The following PTPRN2 variants were observed in gnomAD, a reference collection of about 807,000 sequenced individuals.
PTPRN2 encodes the protein receptor-type tyrosine-protein phosphatase N2.
Under a neutral mutation model 118.8 loss-of-function variants are expected in PTPRN2, and 74 were observed. The ratio of observed to expected loss-of-function variants is 0.62; its 90% CI spans 0.52 to 0.76. The LOEUF (loss-of-function observed/expected upper bound fraction) is 0.76. Among genes scored for constraint, PTPRN2 ranks in the 30% least tolerant of loss-of-function variants. The pLI, the probability that PTPRN2 is intolerant of heterozygous loss-of-function variation, is 0.00. For missense variants in PTPRN2, 1,481 were observed against 1,394.4 expected (o/e 1.06, Z -0.99); for synonymous variants, 641 against 608.0 (o/e 1.05, Z -0.80).
chr7:157,970,421 G>T (rs1374307325), intron 11 of PTPRN2, among the ~76,000 whole-genome samples: 8 of 152,222 alleles, frequency 5.3e-5, no homozygotes, highest in Admixed American at 6.5e-5. Flanking sequence ...AATCCCAGGG[G>T]AAGAAAGAAG....
chr7:157,570,001 C>T (rs1799678626), intron 20 of PTPRN2, among the ~76,000 whole-genome samples: 1 of 152,242 alleles, frequency 6.6e-6, no homozygotes, highest in South Asian at 2.1e-4. Flanking sequence ...TATAGGTGAT[C>T]TTTTGATGGT....
chr7:158,155,328 A>G (rs1821606880), intron 6 of PTPRN2, among the ~76,000 whole-genome samples: 1 of 152,208 alleles, frequency 6.6e-6, no homozygotes, highest in South Asian at 2.1e-4. Flanking sequence ...CACAAAGACA[A>G]TGGGAATCAT....
intron 12 of PTPRN2, among the ~76,000 whole-genome samples, chr7:157,756,431 G>T (rs1283129809): frequency 1.3e-5 from 2 of 152,010 alleles, no homozygotes; most frequent in Admixed American, 1.3e-4. Context: ...AAGTACCTGG[G>T]ATTACAGGTG....
chr7:158,540,562 C>G (rs1825926318), intron 1 of PTPRN2, among the ~76,000 whole-genome samples: 1 of 152,144 alleles, frequency 6.6e-6, no homozygotes, highest in African/African-American at 2.4e-5. Context: ...GGAGGTGGCT[C>G]TGCTCCCACC....
chr7:158,308,471 T>A (rs1190960385), intron 3 of PTPRN2, among the ~76,000 whole-genome samples: 1 of 152,216 alleles, frequency 6.6e-6, no homozygotes, highest in Non-Finnish European at 1.5e-5. Flanking sequence ...TATTTGAGTA[T>A]GTAACATTTA....
chr7:158,016,230 C>G (rs574861429), intron 11 of PTPRN2, among the ~76,000 whole-genome samples: 1 of 152,184 alleles, frequency 6.6e-6, no homozygotes, highest in Non-Finnish European at 1.5e-5. Flanking sequence ...TCGGGAGGTC[C>G]GGATGACTTT....
chr7:158,585,028 T>G (rs763828932), intron 1 of PTPRN2, among the ~76,000 whole-genome samples: 83 of 152,276 alleles, frequency 5.5e-4, no homozygotes, highest in Admixed American at 2.7e-3. Flanking sequence ...AATAAATAGA[T>G]TACAAATGGC....
In PTPRN2 at chr7:157,784,584, C is replaced by A. The variant is rs1430527164; in HGVS notation, c.1789-101647G>T. Among the ~76,000 whole-genome samples the A allele has an allele frequency of 1.3e-5, 2 of 152,060 alleles. No homozygotes were observed. Among genetic ancestry groups the A allele is most frequent in the African/African-American group, 4.8e-5 (2 of 41,406 alleles). The stretch of plus-strand genomic sequence containing the variant: ...TCCTCTCCACAAAGGGCTTGAAGAG[C>A]AACTGACCCATGAAACGGGCAGGGG... On this transcript the variant is annotated intron_variant, in intron 12 of 22. Transcript: ENST00000389418. The surrounding 1 kb of genome is among the most constrained non-coding windows in gnomAD (Gnocchi z 4.6).
At position 158,407,698 on chromosome 7, in the gene PTPRN2, GTCCTGCA is replaced by G. The variant is rs199605565; in HGVS notation, c.163+82030_163+82036del. ...CTGGGTCCTGGGTCCTGGGTCCTGC[GTCCTGCA>G]TCCTGCGTCCTGGGTCCTGGATTGA... On this transcript the variant is annotated intron_variant, in intron 2 of 22. Coordinates refer to ENST00000389418, the MANE Select transcript of PTPRN2 (RefSeq NM_002847.5). Among the ~76,000 whole-genome samples the G allele has an allele frequency of 4.1e-4, 57 of 140,224 alleles. 1 individual carries two copies. The highest frequency in any genetic ancestry group is 6.7e-4 in the East Asian group (3 of 4,460). 92.0% of individuals were successfully genotyped at this position (140,224 alleles called of 152,430 possible).
At chr7:158,472,804 C>T (rs1293381075) in intron 2 of PTPRN2, among the ~76,000 whole-genome samples, 1 of 152,202 alleles carries the variant, frequency 6.6e-6, no homozygotes, top group Non-Finnish European at 1.5e-5. Flanking sequence ...GAGAGCTGGC[C>T]GTCCACATTT....
intron 5 of PTPRN2, among the ~76,000 whole-genome samples, chr7:158,188,137 A>AGCC (rs1563576063): frequency 3.6e-5 from 5 of 137,732 alleles, no homozygotes; most frequent in East Asian, 4.3e-4. Context: ...GTGCAGAGGC[A>AGCC]GCCACCACGC....
chr7:158,334,588 C>T (rs1805216125), intron 2 of PTPRN2, among the ~76,000 whole-genome samples: 1 of 109,862 alleles, frequency 9.1e-6, no homozygotes, highest in Non-Finnish European at 2.1e-5. Context: ...AGGTCACTCA[C>T]ACCCACACTC....
At chr7:158,106,043 C>T (rs573456449) in intron 10 of PTPRN2, among the ~76,000 whole-genome samples, 1 of 152,164 alleles carries the variant, frequency 6.6e-6, no homozygotes, top group African/African-American at 2.4e-5. Context: ...TTCCCAGCTC[C>T]TTCCATCTCC....
intron 14 of PTPRN2, among the ~76,000 whole-genome samples, chr7:157,649,650 G>A (rs1585170980): frequency 1.0e-5 from 1 of 95,922 alleles, no homozygotes; most frequent in Admixed American, 1.2e-4. Context: ...GAACTCGGTG[G>A]GTCGGACCCA....
At chr7:158,385,855 C>G (rs1811291837) in intron 2 of PTPRN2, among the ~76,000 whole-genome samples, 1 of 152,092 alleles carries the variant, frequency 6.6e-6, no homozygotes, top group African/African-American at 2.4e-5. Context: ...GTGTTTCCCT[C>G]CATGAGCAGA....
intron 6 of PTPRN2, among the ~76,000 whole-genome samples, chr7:158,139,346 A>G (rs1456210260): frequency 6.6e-6 from 1 of 152,150 alleles, no homozygotes; most frequent in African/African-American, 2.4e-5. Context: ...ATTTATGTCC[A>G]TTACGGGTGG....
intron 12 of PTPRN2, among the ~76,000 whole-genome samples, chr7:157,771,963 GAC>G (rs1203747007): frequency 1.6e-5 from 2 of 125,070 alleles, no homozygotes; most frequent in African/African-American, 7.4e-5. Context: ...CATACAGACA[GAC>G]ACACACACAT....
At chr7:157,835,908 C>T (rs1047000575) in intron 12 of PTPRN2, among the ~76,000 whole-genome samples, 7 of 152,308 alleles carry the variant, frequency 4.6e-5, no homozygotes, top group East Asian at 1.9e-4. Flanking sequence ...TTAAAGGAAA[C>T]GACTGTGCAT....
At chr7:158,267,387 C>T (rs1797957457) in intron 3 of PTPRN2, among the ~76,000 whole-genome samples, 1 of 152,190 alleles carries the variant, frequency 6.6e-6, no homozygotes, top group Admixed American at 6.5e-5. Context: ...CTCTCTCCAT[C>T]TGGAGCCGCC....
Sources: gnomAD v4.1 joint callset for allele counts (sites outside exome capture counted in the v4.1 genomes callset) on GRCh38, gnomAD v4.1.1 for gene constraint, Gnocchi (gnomAD v3.1) non-coding constraint, MANE v1.5 for transcripts, NCBI Gene and HGNC (gene_info 2026-07-23, HGNC 2026-07-21) for gene names.